Variants in PGAP2 observed in about 807,000 individuals in gnomAD.
PGAP2 encodes post-GPI attachment to proteins 2.
PGAP2 carries 21 observed loss-of-function variants against 33.2 expected under a neutral mutation model. That is an observed-to-expected ratio of 0.63 (90% confidence interval 0.45 to 0.91). The LOEUF (loss-of-function observed/expected upper bound fraction) is 0.91. PGAP2 is among the 40% of genes least tolerant of loss of function. PGAP2 has a pLI of 0.00. For missense variants in PGAP2, 345 were observed against 424.0 expected, an observed-to-expected ratio of 0.81 and a Z score of 1.64; for synonymous variants, 161 against 172.9, an observed-to-expected ratio of 0.93 and a Z score of 0.54.
At position 3,825,424 on chromosome 11, in the gene PGAP2, T is replaced by G; in HGVS notation, c.914T>G (p.Leu305Arg). The change falls in exon 7 of 7, where the codon CTC (leucine) becomes CGC (arginine). Residue 305 changes from leucine (L) to arginine (R), a missense_variant. By Grantham distance (102) the Leu-to-Arg change is moderately radical. Coordinates refer to ENST00000278243, the MANE Select transcript of PGAP2 (RefSeq NM_014489.4). ...TGGGACTTCGGGAACAAGGAGCTGC[T>G]CATAACCTCTCAGCCTGAGGAAAAG... ...AWWDFGNKELLITSQPEEKRF is the reference protein window; with the variant it reads ...AWWDFGNKELRITSQPEEKRF 6.2e-7 allele frequency: 1 copy of G among 1,613,718 alleles called. No individual in the cohort carries two copies. Among genetic ancestry groups the G allele is most frequent in the Non-Finnish European group, 8.5e-7 (1 of 1,179,958 alleles).
chr11:3,824,728 C>T, intron 5 of PGAP2: 1 of 1,222,034 alleles, frequency 8.2e-7, no homozygotes, highest in Non-Finnish European at 1.1e-6. Flanking sequence ...GTTTCTTTTC[C>T]CCCACAGTAT....
At chr11:3,803,486 G>A (rs1432493508) in intron 1 of PGAP2, among the ~76,000 whole-genome samples, 3 of 151,572 alleles carry the variant, frequency 2.0e-5, no homozygotes, top group Middle Eastern at 3.4e-3. Flanking sequence ...GGAGTGCAGC[G>A]GTGCAGTCTC....
At chr11:3,798,570 AT>A (rs775939811) in intron 1 of PGAP2, among the ~76,000 whole-genome samples, 86 of 151,006 alleles carry the variant, frequency 5.7e-4, no homozygotes, top group Non-Finnish European at 7.4e-4. Flanking sequence ...ATCTCAAGTG[AT>A]CCACCCGCCT....
chr11:3,809,871 C>T (rs2134312235), intron 1 of PGAP2, among the ~76,000 whole-genome samples: 2 of 152,304 alleles, frequency 1.3e-5, no homozygotes, highest in East Asian at 3.9e-4. Context: ...GGAGGCGTAG[C>T]CACCTGGCTT....
chr11:3,798,090 C>G (rs2082826625), intron 1 of PGAP2: 2 of 1,494,584 alleles, frequency 1.3e-6, no homozygotes, highest in East Asian at 5.1e-5. Context: ...GCCTGAGGGC[C>G]CTCTTGGAAG....
intron 3 of PGAP2, among the ~76,000 whole-genome samples, chr11:3,819,408 G>C (rs140102634): frequency 6.6e-6 from 1 of 152,010 alleles, no homozygotes; most frequent in Non-Finnish European, 1.5e-5. Flanking sequence ...GACTGTGAGC[G>C]TAGAGAGGAG....
At position 3,825,397 on chromosome 11, in the gene PGAP2, G is replaced by A; in HGVS notation, c.887G>A (p.Trp296Ter). Reference protein sequence around the residue: ...LTNMAFHMTAWWDFGNKELLI... With the variant: ...LTNMAFHMTA ...AACATGGCGTTCCACATGACGGCCT[G>A]GTGGGACTTCGGGAACAAGGAGCTG... is the stretch of plus-strand genomic sequence containing the variant. Residue 296 changes from tryptophan (W) to a stop codon, truncating the protein, a stop_gained, in exon 7 of 7, where the codon TGG becomes TAG. Transcript: ENST00000278243. LOFTEE classifies it high-confidence loss of function. 1.2e-6 allele frequency: 2 copies of A among 1,613,936 alleles called. No homozygotes were observed. Among genetic ancestry groups the A allele is most frequent in the Non-Finnish European group, 1.7e-6 (2 of 1,179,962 alleles).
In PGAP2 at chr11:3,817,390, C is replaced by G. The variant is rs1161491829; in HGVS notation, c.203C>G (p.Pro68Arg). ...AGGATGTTCTCTGCGGCCTCCCAGC[C>G]TTTGGACCCCGATGGGACCTTGTTC... is the stretch of plus-strand genomic sequence containing the variant. Reference protein sequence around the residue: ...PCRMFSAASQPLDPDGTLFRL... With the variant: ...PCRMFSAASQRLDPDGTLFRL... Residue 68 changes from proline (P) to arginine (R), a missense_variant, in exon 3 of 7, where the codon CCT becomes CGT. This residue lies in a region of PGAP2 where 311 missense variants were observed against 353.6 expected (regional missense o/e 0.88). Coordinates refer to ENST00000278243, the MANE Select transcript of PGAP2 (RefSeq NM_014489.4). The G allele has an allele frequency of 1.9e-6, 3 of 1,613,198 alleles. No individual in the cohort carries two copies. The highest frequency in any genetic ancestry group is 2.5e-6 in the Non-Finnish European group (3 of 1,179,248).
chr11:3,823,895 C>T lies in PGAP2; in HGVS notation c.361C>T (p.Leu121=). 3 of 1,603,914 alleles carry T rather than the reference C, an allele frequency of 1.9e-6. No homozygotes were observed. The highest frequency in any genetic ancestry group is 2.5e-6 in the Non-Finnish European group (3 of 1,179,884). The change falls in exon 4 of 7, where the codon CTG becomes TTG. Residue 121 remains leucine, a synonymous_variant. Transcript: ENST00000278243. The part of the protein sequence containing the change: ...VATDCGVPNY[L]PSVSSAIGGE... ...CACAACTCTCTAGGTGCCCAATTAC[C>T]TGCCCTCGGTGAGCTCAGCCATCGG...
At chr11:3,821,880 T>C (rs1332996845) in intron 3 of PGAP2, among the ~76,000 whole-genome samples, 2 of 145,792 alleles carry the variant, frequency 1.4e-5, no homozygotes, top group Middle Eastern at 3.7e-3. Context: ...CTGGGCAACA[T>C]GGCAAAACCC....
At chr11:3,822,917 C>T in intron 3 of PGAP2, 1 of 1,524,460 alleles carries the variant, frequency 6.6e-7, no homozygotes, top group East Asian at 2.5e-5. Context: ...AGGACTGAAG[C>T]TTCAATAGGA....
In PGAP2 at chr11:3,825,089, GCTGT is replaced by G; in HGVS notation, c.781_784del (p.Val261ThrfsTer25). The G allele has an allele frequency of 1.9e-6, 3 of 1,614,192 alleles. No homozygotes were observed. Among genetic ancestry groups the G allele is most frequent in the Non-Finnish European group, 2.5e-6 (3 of 1,180,034 alleles). The stretch of plus-strand genomic sequence containing the variant: ...CTTCATCTCCTTCTTCTCGGCGCTG[GCTGT>G]CTACTTTCGGCACAACATGTATTGT... On this transcript the variant is annotated frameshift_variant, in exon 6 of 7. Coordinates refer to ENST00000278243, the MANE Select transcript of PGAP2 (RefSeq NM_014489.4). LOFTEE classifies it high-confidence loss of function.
At chr11:3,818,355 C>T (rs1427327596) in intron 3 of PGAP2, among the ~76,000 whole-genome samples, 2 of 143,872 alleles carry the variant, frequency 1.4e-5, no homozygotes, top group Non-Finnish European at 3.0e-5. Flanking sequence ...AATAACAGTG[C>T]AAGGGAGTTG....
chr11:3,824,208 C>T, intron 4 of PGAP2, 62 bp from the exon 5 acceptor site: 2 of 1,612,014 alleles, frequency 1.2e-6, no homozygotes, highest in Non-Finnish European at 1.7e-6. Context: ...CACATTCGGA[C>T]CTTCCTACTT....
At chr11:3,800,046 G>A (rs187577813) in intron 1 of PGAP2, among the ~76,000 whole-genome samples, 9 of 152,322 alleles carry the variant, frequency 5.9e-5, no homozygotes, top group Admixed American at 2.0e-4. Flanking sequence ...TAGGTGCTCA[G>A]TAGATACTTG....
intron 2 of PGAP2, among the ~76,000 whole-genome samples, chr11:3,813,793 A>G (rs2086132510): frequency 6.6e-6 from 1 of 152,212 alleles, no homozygotes; most frequent in Non-Finnish European, 1.5e-5. Context: ...ATATTTGTAT[A>G]GTATATGGAG....
upstream of PGAP2, among the ~76,000 whole-genome samples, chr11:3,806,045 G>A (rs1426459977): frequency 1.3e-5 from 2 of 152,016 alleles, no homozygotes; most frequent in Non-Finnish European, 2.9e-5. Flanking sequence ...AGAGGCTCAG[G>A]GCTATATGGA....
At chr11:3,824,861 A>G (rs2089724146) in intron 5 of PGAP2, 159 bp from the exon 6 acceptor site, 1 of 1,452,608 alleles carries the variant, frequency 6.9e-7, no homozygotes, top group Non-Finnish European at 9.0e-7. Context: ...ACGTGAACAC[A>G]TAGTCGTCAT....
At chr11:3,819,197 G>A (rs1191931135) in intron 3 of PGAP2, among the ~76,000 whole-genome samples, 1 of 152,160 alleles carries the variant, frequency 6.6e-6, no homozygotes, top group Non-Finnish European at 1.5e-5. Context: ...GACTACAGGT[G>A]CATGCCACCA....
Sources: gnomAD v4.1 joint callset for allele counts (sites outside exome capture counted in the v4.1 genomes callset) on GRCh38, gnomAD v4.1.1 for gene constraint, gnomAD v4.1.1 regional missense constraint, MANE v1.5 for transcripts, NCBI Gene and HGNC (gene_info 2026-07-23, HGNC 2026-07-21) for gene names.